The following ENOX1 variants were observed in gnomAD, a reference collection of about 807,000 sequenced individuals.
The protein encoded by ENOX1 is ecto-NOX disulfide-thiol exchanger 1.
A neutral mutation model predicts 82.5 loss-of-function variants in ENOX1; 42 were observed. The ratio of observed to expected loss-of-function variants is 0.51; its 90% CI spans 0.40 to 0.66. The LOEUF (loss-of-function observed/expected upper bound fraction) is 0.66. ENOX1 is among the 30% of genes least tolerant of loss of function. ENOX1 has a pLI of 0.00. For missense variants in ENOX1, 608 were observed against 811.6 expected (o/e 0.75, Z 3.05); for synonymous variants, 271 against 282.2 (o/e 0.96, Z 0.40).
chr13:43,336,580 C>T (rs374937547), intron 9 of ENOX1, among the ~76,000 whole-genome samples: 63 of 152,320 alleles, frequency 4.1e-4, no homozygotes, highest in African/African-American at 1.3e-3. Flanking sequence ...GTAACCTTCA[C>T]AGCAAGGTAT....
At chr13:43,229,561 T>A (rs887473872) in intron 15 of ENOX1, among the ~76,000 whole-genome samples, 1 of 152,154 alleles carries the variant, frequency 6.6e-6, no homozygotes, top group Non-Finnish European at 1.5e-5. Context: ...ATTCTAAATG[T>A]GGCAGGAAAC....
At chr13:43,715,842 A>T (rs898369326) in intron 1 of ENOX1, among the ~76,000 whole-genome samples, 2 of 152,102 alleles carry the variant, frequency 1.3e-5, no homozygotes, top group African/African-American at 4.8e-5. Flanking sequence ...ACTTCTCTGC[A>T]TTGGTTTTTC....
At chr13:43,568,001 T>C (rs1326702757) in intron 2 of ENOX1, among the ~76,000 whole-genome samples, 2 of 152,202 alleles carry the variant, frequency 1.3e-5, no homozygotes, top group African/African-American at 4.8e-5. Context: ...AGATGTTTAC[T>C]TTGCATCTCT....
chr13:43,510,279 C>T lies in ENOX1; in HGVS notation c.-218-26127G>A, dbSNP rs186068579. 3.3e-5 allele frequency among the ~76,000 whole-genome samples: 5 copies of T among 152,158 alleles called. No individual in the cohort carries two copies. In the East Asian group the frequency reaches 9.7e-4, roughly 29 times the overall value. ...CCAGCCGGCACTCCTATTTCTGATG[C>T]ATTCATACAGAGTGATGGTTGTTAC... On this transcript the variant is annotated intron_variant, in intron 2 of 16. Transcript: ENST00000690772.
chr13:43,776,309 G>C (rs1005996612), intron 1 of ENOX1, among the ~76,000 whole-genome samples: 2 of 152,162 alleles, frequency 1.3e-5, no homozygotes, highest in African/African-American at 4.8e-5. Context: ...TGACAAACAT[G>C]TATGAAAAAG....
chr13:43,406,641 C>T (rs1358376465), intron 5 of ENOX1, among the ~76,000 whole-genome samples: 7 of 151,730 alleles, frequency 4.6e-5, no homozygotes, highest in Admixed American at 4.6e-4. Flanking sequence ...TACAGGTGCC[C>T]GCCACCATGC....
chr13:43,298,122 TC>T (rs1398536120), intron 12 of ENOX1, among the ~76,000 whole-genome samples: 2 of 152,212 alleles, frequency 1.3e-5, no homozygotes, highest in African/African-American at 4.8e-5. Context: ...TTCCTTTATT[TC>T]CTACCTCCAG....
intron 5 of ENOX1, among the ~76,000 whole-genome samples, chr13:43,369,185 A>G (rs146054442): frequency 0.016 from 2,404 of 152,286 alleles, 30 homozygotes; most frequent in Non-Finnish European, 0.025. Flanking sequence ...GGTCAAATCC[A>G]TAAAGAAAGC....
At chr13:43,594,510 A>G (rs2081376201) in intron 2 of ENOX1, among the ~76,000 whole-genome samples, 1 of 152,204 alleles carries the variant, frequency 6.6e-6, no homozygotes, top group East Asian at 1.9e-4. Context: ...AAGCTGAGGA[A>G]GAGGGGCTGA....
chr13:43,702,415 C>T (rs2086957573), intron 1 of ENOX1, among the ~76,000 whole-genome samples: 1 of 152,162 alleles, frequency 6.6e-6, no homozygotes, highest in African/African-American at 2.4e-5. Context: ...GAGGGGTTGG[C>T]TAATACTCTA....
At chr13:43,486,425 A>C (rs951417202) in intron 2 of ENOX1, among the ~76,000 whole-genome samples, 3 of 152,104 alleles carry the variant, frequency 2.0e-5, no homozygotes, top group Admixed American at 2.0e-4. Context: ...AAAAACCAAC[A>C]ACCAAATTTT....
At chr13:43,483,617 T>C (rs910643131) in intron 3 of ENOX1, among the ~76,000 whole-genome samples, 5 of 152,196 alleles carry the variant, frequency 3.3e-5, no homozygotes, top group Admixed American at 2.6e-4. Context: ...AAATTCAGTT[T>C]TGATTTTCAA....
intron 12 of ENOX1, among the ~76,000 whole-genome samples, chr13:43,271,333 A>G (rs973768610): frequency 6.6e-6 from 1 of 152,174 alleles, no homozygotes. Context: ...ATGACACAGA[A>G]GAAGCTCAAA....
In ENOX1 at chr13:43,456,785, C is replaced by A. The variant is rs190801159; in HGVS notation, c.-75+27224G>T. Among the ~76,000 whole-genome samples, 471 of 152,218 alleles carry A rather than the reference C, an allele frequency of 3.1e-3. 4 individuals are homozygous for A. Among genetic ancestry groups the A allele is most frequent in the Non-Finnish European group, 3.6e-3 (242 of 68,008 alleles). On this transcript the variant is annotated intron_variant, in intron 3 of 16. Transcript: ENST00000690772. ...TCAGTGTGAGCTAGGGAGGGCAGGG[C>A]CTAACTACTCCATATACTCTGTTGG...
chr13:43,561,602 T>TA (rs1457165127), intron 2 of ENOX1, among the ~76,000 whole-genome samples: 2 of 152,016 alleles, frequency 1.3e-5, no homozygotes, highest in African/African-American at 2.4e-5. Context: ...ATAGAAAAGT[T>TA]AGAGTGTGAT....
intron 1 of ENOX1, among the ~76,000 whole-genome samples, chr13:43,747,401 T>G (rs1950082689): frequency 6.6e-6 from 1 of 152,224 alleles, no homozygotes; most frequent in South Asian, 2.1e-4. Flanking sequence ...AAGTCTTGCA[T>G]GTATTGCTTC....
intron 11 of ENOX1, among the ~76,000 whole-genome samples, chr13:43,314,324 T>C (rs773657316): frequency 6.6e-6 from 1 of 152,178 alleles, no homozygotes; most frequent in Non-Finnish European, 1.5e-5. Context: ...TAATGGCAAG[T>C]AGAATTTCCA....
chr13:43,318,132 G>A (rs972985613), intron 11 of ENOX1, among the ~76,000 whole-genome samples: 25 of 152,160 alleles, frequency 1.6e-4, no homozygotes, highest in African/African-American at 5.8e-4. Flanking sequence ...TAAATGAAAT[G>A]CAGTTAAAAT....
chr13:43,641,436 C>T (rs1377264125), intron 2 of ENOX1, among the ~76,000 whole-genome samples: 2 of 151,856 alleles, frequency 1.3e-5, no homozygotes, highest in African/African-American at 4.8e-5. Context: ...ATCCTGCCCC[C>T]AAGGCCCTTG....
Sources: allele counts gnomAD v4.1 joint callset (sites outside exome capture counted in the v4.1 genomes callset), GRCh38; gene constraint gnomAD v4.1.1; transcripts MANE v1.5; gene names NCBI Gene and HGNC (gene_info 2026-07-23, HGNC 2026-07-21).